GPR158: variants seen among roughly 807,000 people sequenced by gnomAD.
GPR158 encodes metabotropic glycine receptor.
GPR158 carries 30 observed loss-of-function variants against 78.2 expected under a neutral mutation model. The ratio of observed to expected loss-of-function variants is 0.38; its 90% CI spans 0.29 to 0.52. The LOEUF (loss-of-function observed/expected upper bound fraction) is 0.52, where lower values mean the gene tolerates loss of function less well. Among genes scored for constraint, GPR158 ranks in the 20% least tolerant of loss-of-function variants. The pLI is 0.83. For synonymous variants in GPR158, 581 were observed against 591.1 expected (o/e 0.98, Z 0.25); for missense variants, 1,463 against 1,523.5 (o/e 0.96, Z 0.66).
chr10:25,347,495 C>T (rs1855387128), intron 2 of GPR158, among the ~76,000 whole-genome samples: 2 of 151,952 alleles, frequency 1.3e-5, no homozygotes, highest in South Asian at 4.2e-4. Context: ...TGGGGGCCTA[C>T]TACCATGCCT....
intron 2 of GPR158, among the ~76,000 whole-genome samples, chr10:25,251,639 G>A (rs1339168730): frequency 1.3e-5 from 2 of 150,460 alleles, no homozygotes; most frequent in Non-Finnish European, 3.0e-5. Context: ...TTGAATATTG[G>A]CCCCCACTCT....
At chr10:25,336,611 T>C (rs1422164079) in intron 2 of GPR158, among the ~76,000 whole-genome samples, 1 of 152,074 alleles carries the variant, frequency 6.6e-6, no homozygotes, top group Non-Finnish European at 1.5e-5. Context: ...AGGGAAAGTC[T>C]GCTGAAGGGA....
chr10:25,340,923 A>G (rs1029755955), intron 2 of GPR158, among the ~76,000 whole-genome samples: 12 of 152,160 alleles, frequency 7.9e-5, no homozygotes, highest in African/African-American at 2.4e-4. Context: ...AAAACTATAC[A>G]TAGAATAGTA....
intron 2 of GPR158, among the ~76,000 whole-genome samples, chr10:25,289,519 G>C (rs1854403626): frequency 6.6e-6 from 1 of 151,942 alleles, no homozygotes; most frequent in South Asian, 2.1e-4. Context: ...TACAAGCTCT[G>C]CCTCCTGGGT....
At chr10:25,441,958 G>C (rs1482480535) in intron 4 of GPR158, among the ~76,000 whole-genome samples, 1 of 152,126 alleles carries the variant, frequency 6.6e-6, no homozygotes, top group East Asian at 1.9e-4. Flanking sequence ...GAGTTTAAGG[G>C]CGTTTGAAAC....
At chr10:25,502,283 A>G (rs1835952912) in intron 5 of GPR158, among the ~76,000 whole-genome samples, 1 of 152,138 alleles carries the variant, frequency 6.6e-6, no homozygotes. Flanking sequence ...TTCCACCATC[A>G]ACCACCCTCC....
At chr10:25,444,842 C>T (rs1211248820) in intron 4 of GPR158, among the ~76,000 whole-genome samples, 2 of 152,100 alleles carry the variant, frequency 1.3e-5, no homozygotes, top group Non-Finnish European at 2.9e-5. Context: ...CCTTAGAGAA[C>T]AGTAGTCATG....
At position 25,412,263 on chromosome 10, in the gene GPR158, T is replaced by G; in HGVS notation, c.1125T>G (p.Asp375Glu). ...TGGAACTTTCAGGAAGGGGTCCGGA[T>G]CAGCATATTTCAGGAAGTACAAAAG... ...PVNNFRRRGPDQHISGSTKDV... is the reference protein window; with the variant it reads ...PVNNFRRRGPEQHISGSTKDV... The change falls in exon 4 of 11, where the codon GAT becomes GAG. Residue 375 changes from aspartate (D) to glutamate (E), a missense_variant. Asp to Glu is a conservative substitution (Grantham distance 45). Transcript: ENST00000376351. The G allele has an allele frequency of 6.2e-7, 1 of 1,613,528 alleles. No individual in the cohort carries two copies. Among genetic ancestry groups the G allele is most frequent in the Non-Finnish European group, 8.5e-7 (1 of 1,179,444 alleles).
chr10:25,431,306 G>C (rs985944408), intron 4 of GPR158, among the ~76,000 whole-genome samples: 4 of 145,414 alleles, frequency 2.8e-5, no homozygotes, highest in Non-Finnish European at 6.1e-5. Context: ...AAACCACAAT[G>C]AGATACCATC....
chr10:25,326,102 C>T (rs1209777328), intron 2 of GPR158, among the ~76,000 whole-genome samples: 1 of 152,090 alleles, frequency 6.6e-6, no homozygotes. Flanking sequence ...CTGATGCTCT[C>T]CCTCCCCCTA....
chr10:25,513,240 TTC>T (rs1836108490), intron 5 of GPR158, among the ~76,000 whole-genome samples: 1 of 152,026 alleles, frequency 6.6e-6, no homozygotes, highest in Admixed American at 6.6e-5. Context: ...TGTTCAGAGT[TTC>T]TATTTCTTCC....
chr10:25,499,358 G>T (rs1365155768), intron 5 of GPR158, among the ~76,000 whole-genome samples: 1 of 152,148 alleles, frequency 6.6e-6, no homozygotes, highest in African/African-American at 2.4e-5. Context: ...CTGATGAGTG[G>T]TTAACCCACC....
chr10:25,561,955 A>G (rs187997425), intron 6 of GPR158, among the ~76,000 whole-genome samples: 12 of 151,852 alleles, frequency 7.9e-5, no homozygotes, highest in Admixed American at 7.2e-4. Context: ...GAGAACAACC[A>G]CCAGATGGCT....
At chr10:25,401,991 T>C (rs1834453377) in intron 3 of GPR158, among the ~76,000 whole-genome samples, 2 of 152,098 alleles carry the variant, frequency 1.3e-5, no homozygotes, top group Non-Finnish European at 2.9e-5. Context: ...CCTCTAAGTA[T>C]CTCTCCACAA....
chr10:25,400,981 C>A (rs1383162268), intron 3 of GPR158, among the ~76,000 whole-genome samples: 1 of 152,118 alleles, frequency 6.6e-6, no homozygotes, highest in African/African-American at 2.4e-5. Flanking sequence ...AGAAGGGAAG[C>A]TCATTGAAAG....
chr10:25,225,406 A>T (rs7101272), intron 2 of GPR158, among the ~76,000 whole-genome samples: 6,706 of 152,086 alleles, frequency 0.044, 531 homozygotes, highest in African/African-American at 0.15. Flanking sequence ...GAAGCAAATG[A>T]AGGAACCCAG....
chr10:25,183,266 C>A lies in GPR158; in HGVS notation c.902+6944C>A, dbSNP rs1289253055. ...TTTAGGAGAGGATTAGTCCTCTTGGCTAAGTCTTTCACAGCTTTGCCCCTC... is the reference window on the plus strand; with the variant it reads ...TTTAGGAGAGGATTAGTCCTCTTGGATAAGTCTTTCACAGCTTTGCCCCTC... On this transcript the variant is annotated intron_variant, in intron 1 of 10. Coordinates refer to ENST00000376351, the MANE Select transcript of GPR158 (RefSeq NM_020752.3). Among the ~76,000 whole-genome samples, 2 of 152,078 alleles carry A rather than the reference C, an allele frequency of 1.3e-5. 1 individual carries two copies. The highest frequency in any genetic ancestry group is 2.9e-5 in the Non-Finnish European group (2 of 68,032).
intron 2 of GPR158, among the ~76,000 whole-genome samples, chr10:25,257,275 C>A (rs1017768567): frequency 2.3e-4 from 35 of 152,140 alleles, no homozygotes; most frequent in African/African-American, 7.0e-4. Flanking sequence ...GCAGGCTAAG[C>A]CCTCATGATA....
intron 4 of GPR158, among the ~76,000 whole-genome samples, chr10:25,450,315 G>C (rs1324051618): frequency 6.6e-6 from 1 of 151,618 alleles, no homozygotes; most frequent in Non-Finnish European, 1.5e-5. Flanking sequence ...GGCAAGCCGG[G>C]GCTGTTCTGT....
Sources: allele counts gnomAD v4.1 joint callset (sites outside exome capture counted in the v4.1 genomes callset), GRCh38; gene constraint gnomAD v4.1.1; transcripts MANE v1.5; gene names NCBI Gene and HGNC (gene_info 2026-07-23, HGNC 2026-07-21).